The following CLDN10 variants were observed in gnomAD, a reference collection of about 807,000 sequenced individuals.
CLDN10 encodes claudin 10, also known as claudin-10.
CLDN10 carries 15 observed loss-of-function variants against 22.9 expected under a neutral mutation model. That is an observed-to-expected ratio of 0.65 (90% CI 0.44 to 1.01). The LOEUF is 1.01. Among genes scored for constraint, CLDN10 ranks in the 50% least tolerant of loss-of-function variants. The probability of loss-of-function intolerance (pLI) is 0.00; values close to 1 mark genes in which losing one functional copy is unlikely to be tolerated. For synonymous variants in CLDN10, 114 were observed against 111.4 expected, an observed-to-expected ratio of 1.02 and a Z score of -0.15; for missense variants, 247 against 287.8, an observed-to-expected ratio of 0.86 and a Z score of 1.03.
intron 1 of CLDN10, among the ~76,000 whole-genome samples, chr13:95,554,498 G>A (rs1179413036): frequency 6.6e-6 from 1 of 152,184 alleles, no homozygotes; most frequent in African/African-American, 2.4e-5. Context: ...TACCATACCT[G>A]TTTGGGGGCA....
intron 1 of CLDN10, among the ~76,000 whole-genome samples, chr13:95,535,325 G>A (rs2043388879): frequency 6.6e-6 from 1 of 152,168 alleles, no homozygotes; most frequent in Admixed American, 6.5e-5. Flanking sequence ...AGGAAGACCA[G>A]TCAGGCTAGT....
chr13:95,499,073 G>A (rs2042956941), intron 1 of CLDN10, among the ~76,000 whole-genome samples: 1 of 152,214 alleles, frequency 6.6e-6, no homozygotes, highest in Non-Finnish European at 1.5e-5. Context: ...TTTCAAGACT[G>A]AATAACATTC....
At chr13:95,501,267 G>T (rs2042981605) in intron 1 of CLDN10, among the ~76,000 whole-genome samples, 1 of 152,194 alleles carries the variant, frequency 6.6e-6, no homozygotes, top group African/African-American at 2.4e-5. Flanking sequence ...ACCCGACTTG[G>T]CCTCCTGAAG....
At chr13:95,479,655 A>C (rs1304069739) in intron 1 of CLDN10, 1 of 152,206 alleles carries the variant, frequency 6.6e-6, no homozygotes, top group Non-Finnish European at 1.5e-5. Flanking sequence ...CACTTTCAAA[A>C]TAAGCACATA....
At chr13:95,575,590 C>CGTGTGTGTGTGTGTGTGTGTGT (rs112441621) in intron 3 of CLDN10, among the ~76,000 whole-genome samples, 151 of 151,742 alleles carry the variant, frequency 1.0e-3, no homozygotes, top group East Asian at 2.1e-3. Flanking sequence ...CTGCTCAGTT[C>CGTGTGTGTGTGTGTGTGTGTGT]GTGTGTGTGT....
chr13:95,524,954 G>C (rs2043265401), intron 1 of CLDN10, among the ~76,000 whole-genome samples: 1 of 151,794 alleles, frequency 6.6e-6, no homozygotes. Context: ...CCACCCCCCG[G>C]GTTCAAGCAA....
intron 1 of CLDN10, among the ~76,000 whole-genome samples, chr13:95,505,757 T>TC (rs1207516911): frequency 6.8e-6 from 1 of 146,182 alleles, no homozygotes; most frequent in Admixed American, 6.8e-5. Flanking sequence ...TTCTTTTTTT[T>TC]TTTTTTTTTT....
chr13:95,577,937 C>G lies in CLDN10; in HGVS notation c.610C>G (p.Arg204Gly). The G allele has an allele frequency of 1.2e-6, 2 of 1,613,642 alleles. No homozygotes were observed. Among genetic ancestry groups the G allele is most frequent in the Non-Finnish European group, 1.7e-6 (2 of 1,179,670 alleles). The change falls in exon 5 of 5, where the codon CGG becomes GGG. Residue 204 changes from arginine (R) to glycine (G), a missense_variant. Coordinates refer to ENST00000299339, the MANE Select transcript of CLDN10 (RefSeq NM_006984.5). ...YNGATSVMSS[R>G]TKYHGGEDFK... ...CGGGGCCACATCTGTCATGTCTTCT[C>G]GGACAAAGTATCATGGTGGAGAAGA...
At chr13:95,544,974 C>T (rs1455028980) in intron 1 of CLDN10, among the ~76,000 whole-genome samples, 3 of 151,562 alleles carry the variant, frequency 2.0e-5, no homozygotes, top group Admixed American at 6.6e-5. Flanking sequence ...AACAAGGTTT[C>T]ACCGTGTTGG....
At chr13:95,500,190 T>G (rs112306074) in intron 1 of CLDN10, among the ~76,000 whole-genome samples, 11,846 of 131,678 alleles carry the variant, frequency 0.09, 500 homozygotes, top group Non-Finnish European at 0.1. Context: ...TCTCCTAGAG[T>G]CTACATTCCA....
chr13:95,551,609 G>T (rs1005072672), upstream of CLDN10, among the ~76,000 whole-genome samples: 1 of 152,164 alleles, frequency 6.6e-6, no homozygotes, highest in Non-Finnish European at 1.5e-5. Flanking sequence ...GACACAGAGG[G>T]TTAGCACGAG....
At chr13:95,575,447 A>C (rs2043911067) in intron 3 of CLDN10, among the ~76,000 whole-genome samples, 1 of 152,218 alleles carries the variant, frequency 6.6e-6, no homozygotes, top group Non-Finnish European at 1.5e-5. Context: ...AACAACATAA[A>C]AGCAGGGCTG....
intron 1 of CLDN10, among the ~76,000 whole-genome samples, chr13:95,454,703 G>C (rs958891545): frequency 6.6e-6 from 1 of 152,154 alleles, no homozygotes; most frequent in African/African-American, 2.4e-5. Flanking sequence ...AGGGTCCTGG[G>C]CCCTTTCAGA....
At chr13:95,453,842 C>T (rs942000144) in intron 1 of CLDN10, among the ~76,000 whole-genome samples, 17 of 151,620 alleles carry the variant, frequency 1.1e-4, no homozygotes, top group African/African-American at 3.1e-4. Context: ...TCGCTGGGCA[C>T]GGTGGCTTAC....
At chr13:95,484,339 G>C (rs533436335) in intron 1 of CLDN10, among the ~76,000 whole-genome samples, 1 of 152,260 alleles carries the variant, frequency 6.6e-6, no homozygotes, top group African/African-American at 2.4e-5. Flanking sequence ...CTATCATTCT[G>C]TTCAGATACT....
intron 1 of CLDN10, among the ~76,000 whole-genome samples, chr13:95,474,673 C>T (rs780237044): frequency 3.9e-5 from 6 of 152,234 alleles, no homozygotes; most frequent in African/African-American, 7.2e-5. Context: ...AGGGCAATGG[C>T]CCTGTCTCAG....
At chr13:95,509,889 C>T (rs1274054099) in intron 1 of CLDN10, among the ~76,000 whole-genome samples, 3 of 152,220 alleles carry the variant, frequency 2.0e-5, no homozygotes, top group African/African-American at 7.2e-5. Flanking sequence ...AGCACCCTGA[C>T]TGTAAAATGC....
chr13:95,530,215 T>C (rs1361684608), intron 1 of CLDN10, among the ~76,000 whole-genome samples: 2 of 152,182 alleles, frequency 1.3e-5, no homozygotes, highest in Non-Finnish European at 2.9e-5. Flanking sequence ...CAGTGGACCA[T>C]GAGTTATTTA....
chr13:95,548,456 C>G (rs1457129458), upstream of CLDN10, among the ~76,000 whole-genome samples: 1 of 151,982 alleles, frequency 6.6e-6, no homozygotes, highest in Admixed American at 6.6e-5. Flanking sequence ...CAGAATAAGG[C>G]AACTGTTTTT....
Sources: gnomAD v4.1 joint callset for allele counts (sites outside exome capture counted in the v4.1 genomes callset) on GRCh38, gnomAD v4.1.1 for gene constraint, MANE v1.5 for transcripts, NCBI Gene and HGNC (gene_info 2026-07-23, HGNC 2026-07-21) for gene names.